Variants in UTRN observed in about 807,000 individuals in gnomAD.
UTRN encodes the protein dystrophin-related protein 1.
Under a neutral mutation model 463.9 loss-of-function variants are expected in UTRN, and 283 were observed. The ratio of observed to expected loss-of-function variants is 0.61; its 90% confidence interval spans 0.55 to 0.67. The LOEUF (loss-of-function observed/expected upper bound fraction) is 0.67, where lower values mean the gene tolerates loss of function less well. Ranked by LOEUF, UTRN falls within the 30% of genes least tolerant of loss-of-function variation. The pLI, the probability that UTRN is intolerant of heterozygous loss-of-function variation, is 0.00. For synonymous variants in UTRN, 1,442 were observed against 1,431.5 expected (o/e 1.01, Z -0.17); for missense variants, 3,922 against 4,084.3 (o/e 0.96, Z 1.08).
intron 51 of UTRN, among the ~76,000 whole-genome samples, chr6:144,616,919 C>T (rs1321076392): frequency 6.6e-6 from 1 of 152,114 alleles, no homozygotes; most frequent in African/African-American, 2.4e-5. Context: ...GTTAGGAATA[C>T]GGGAAGACTA....
chr6:144,655,862 A>G (rs962159763), intron 51 of UTRN, among the ~76,000 whole-genome samples: 2 of 152,250 alleles, frequency 1.3e-5, no homozygotes, highest in African/African-American at 4.8e-5. Context: ...TATATGAAAT[A>G]TAGTTTTTAA....
chr6:144,472,758 C>G (rs1790791970), intron 23 of UTRN, among the ~76,000 whole-genome samples: 1 of 143,078 alleles, frequency 7.0e-6, no homozygotes, highest in Admixed American at 7.2e-5. Flanking sequence ...AAAATTGCAT[C>G]TACTTACTTG....
intron 43 of UTRN, among the ~76,000 whole-genome samples, chr6:144,536,222 T>C (rs915376931): frequency 2.0e-5 from 3 of 152,238 alleles, no homozygotes; most frequent in East Asian, 1.9e-4. Flanking sequence ...ATATATCTTA[T>C]TGAAATCACT....
intron 51 of UTRN, among the ~76,000 whole-genome samples, chr6:144,641,365 G>A (rs141458749): frequency 1.3e-5 from 2 of 152,274 alleles, no homozygotes; most frequent in Non-Finnish European, 2.9e-5. Context: ...AAGAATGTCT[G>A]GGTTACAATA....
At chr6:144,418,576 GTTTT>G (rs1020544135) in intron 3 of UTRN, among the ~76,000 whole-genome samples, 24 of 145,764 alleles carry the variant, frequency 1.6e-4, no homozygotes, top group African/African-American at 6.6e-4. Context: ...TTGTTTGTTT[GTTTT>G]TTTGAGACAG....
intron 51 of UTRN, among the ~76,000 whole-genome samples, chr6:144,662,202 A>G (rs1242418099): frequency 6.6e-6 from 1 of 152,138 alleles, no homozygotes; most frequent in Non-Finnish European, 1.5e-5. Context: ...TTCTTTCCAA[A>G]GTGTTAATAA....
At chr6:144,581,208 A>AT (rs1801939215) in intron 51 of UTRN, among the ~76,000 whole-genome samples, 1 of 152,046 alleles carries the variant, frequency 6.6e-6, no homozygotes, top group African/African-American at 2.4e-5. Flanking sequence ...CAGAAACTTT[A>AT]TTTTTTGCTT....
intron 62 of UTRN, among the ~76,000 whole-genome samples, chr6:144,790,843 G>T (rs1435629375): frequency 6.6e-6 from 1 of 152,090 alleles, no homozygotes; most frequent in East Asian, 1.9e-4. Flanking sequence ...AAACAATTAG[G>T]GTTCTCTGAA....
chr6:144,690,796 C>T (rs1783319925), intron 52 of UTRN, among the ~76,000 whole-genome samples: 1 of 152,156 alleles, frequency 6.6e-6, no homozygotes, highest in Non-Finnish European at 1.5e-5. Flanking sequence ...TTTCCCTGAC[C>T]TGGATTGCCA....
chr6:144,412,196 A>T (rs1783955372), intron 3 of UTRN, among the ~76,000 whole-genome samples: 1 of 152,168 alleles, frequency 6.6e-6, no homozygotes, highest in South Asian at 2.1e-4. Flanking sequence ...TCTTTTTAAA[A>T]CATCTATTAT....
intron 2 of UTRN, among the ~76,000 whole-genome samples, chr6:144,337,194 C>CACACCA (rs1309149044): frequency 1.6e-5 from 2 of 126,704 alleles, no homozygotes; most frequent in African/African-American, 6.6e-5. Context: ...CACACACACA[C>CACACCA]CACACACACA....
chr6:144,539,765 G>C (rs1427659602), intron 45 of UTRN, among the ~76,000 whole-genome samples: 1 of 152,046 alleles, frequency 6.6e-6, no homozygotes, highest in Non-Finnish European at 1.5e-5. Context: ...TTCTGAGCCG[G>C]GTGTGTTGGC....
intron 50 of UTRN, among the ~76,000 whole-genome samples, chr6:144,574,028 C>T (rs1021677693): frequency 4.6e-5 from 7 of 152,102 alleles, no homozygotes; most frequent in African/African-American, 1.2e-4. Context: ...TTAAAGGAGT[C>T]GTAGGATTGT....
At chr6:144,462,331 T>C (rs1267037138) in intron 22 of UTRN, among the ~76,000 whole-genome samples, 1 of 152,216 alleles carries the variant, frequency 6.6e-6, no homozygotes, top group Non-Finnish European at 1.5e-5. Context: ...TTTGGGTTGA[T>C]TCCTTGTCCT....
At chr6:144,770,251 C>T (rs1463417587) in intron 58 of UTRN, among the ~76,000 whole-genome samples, 1 of 152,096 alleles carries the variant, frequency 6.6e-6, no homozygotes, top group African/African-American at 2.4e-5. Flanking sequence ...GATACGTACC[C>T]AACTGCAAAT....
intron 52 of UTRN, among the ~76,000 whole-genome samples, chr6:144,697,329 C>T (rs921852057): frequency 5.3e-5 from 8 of 152,088 alleles, no homozygotes; most frequent in African/African-American, 1.9e-4. Flanking sequence ...TCTGGTTGAT[C>T]ACTAGTTATC....
chr6:144,500,578 C>G (rs567016253), intron 34 of UTRN, among the ~76,000 whole-genome samples: 1 of 152,192 alleles, frequency 6.6e-6, no homozygotes, highest in African/African-American at 2.4e-5. Flanking sequence ...CCTAATTCAC[C>G]ACCTTTAAAA....
At chr6:144,519,935 C>G (rs1040661987) in intron 39 of UTRN, among the ~76,000 whole-genome samples, 1 of 152,036 alleles carries the variant, frequency 6.6e-6, no homozygotes, top group Non-Finnish European at 1.5e-5. Context: ...AAAAGTGGCT[C>G]CCAACATTTA....
rs976813441 is a variant in UTRN at position 144,696,292 on chromosome 6, A to G, written c.7653-3795A>G. On this transcript the variant is annotated intron_variant, in intron 52 of 74. Coordinates refer to ENST00000367545, the MANE Select transcript of UTRN (RefSeq NM_007124.3). Reference sequence around the variant, plus strand: ...GCACATTCTAATAGAACTTTCTCCAATGATAGAAATTATCTATATCTACAC... The same window carrying G: ...GCACATTCTAATAGAACTTTCTCCAGTGATAGAAATTATCTATATCTACAC... Among the ~76,000 whole-genome samples the G allele has an allele frequency of 7.9e-5, 12 of 152,132 alleles. No homozygotes were observed. The South Asian group carries it at 8.3e-4, about 11-fold the overall frequency.
Sources: gnomAD v4.1 joint callset for allele counts (sites outside exome capture counted in the v4.1 genomes callset) on GRCh38, gnomAD v4.1.1 for gene constraint, MANE v1.5 for transcripts, NCBI Gene and HGNC (gene_info 2026-07-23, HGNC 2026-07-21) for gene names.